SDCCAG8: variants seen among roughly 807,000 people sequenced by gnomAD.
SDCCAG8 encodes serologically defined colon cancer antigen 8.
SDCCAG8 carries 74 observed loss-of-function variants against 101.8 expected under a neutral mutation model. The observed-to-expected ratio is 0.73, with a 90% CI of 0.60 to 0.88. SDCCAG8 has a LOEUF of 0.88. Among genes scored for constraint, SDCCAG8 ranks in the 40% least tolerant of loss-of-function variants. The probability of loss-of-function intolerance (pLI) is 0.00; values close to 1 mark genes in which losing one functional copy is unlikely to be tolerated. For missense variants in SDCCAG8, 787 were observed against 822.6 expected, an observed-to-expected ratio of 0.96 and a Z score of 0.53; for synonymous variants, 281 against 292.9, an observed-to-expected ratio of 0.96 and a Z score of 0.41.
rs1393112155 is a variant in SDCCAG8, at chr1:243,286,402, G to C, written c.546+5G>C. 1.4e-5 allele frequency: 22 copies of C among 1,613,768 alleles called. No individual in the cohort carries two copies. Among genetic ancestry groups the C allele is most frequent in the Non-Finnish European group, 1.9e-5 (22 of 1,179,770 alleles). On this transcript the variant is annotated splice_donor_5th_base_variant and intron_variant, in intron 5 of 17. Transcript: ENST00000366541. Reference sequence around the variant, plus strand: ...CAAACACTTCTGGATGCATCCGTGAGCATTATTTTAAATCATAAATTTTAT... The same window carrying C: ...CAAACACTTCTGGATGCATCCGTGACCATTATTTTAAATCATAAATTTTAT...
intron 17 of SDCCAG8, among the ~76,000 whole-genome samples, 191 bp from the exon 18 acceptor site, chr1:243,499,565 T>G (rs1479840087): frequency 6.6e-6 from 1 of 152,216 alleles, no homozygotes; most frequent in East Asian, 1.9e-4. Flanking sequence ...TAACCTTATT[T>G]CATATGTGAA....
At chr1:243,376,504 G>T (rs1271380327) in intron 12 of SDCCAG8, among the ~76,000 whole-genome samples, 1 of 152,126 alleles carries the variant, frequency 6.6e-6, no homozygotes, top group Non-Finnish European at 1.5e-5. Context: ...CAGCTAATTT[G>T]TACTTAAAAC....
At chr1:243,323,523 T>A (rs1257237891) in intron 9 of SDCCAG8, among the ~76,000 whole-genome samples, 2 of 152,148 alleles carry the variant, frequency 1.3e-5, no homozygotes, top group African/African-American at 2.4e-5. Flanking sequence ...CTCTCCACTG[T>A]TTTTCCCCCT....
chr1:243,401,354 G>A (rs2079386355), intron 13 of SDCCAG8, among the ~76,000 whole-genome samples: 1 of 152,180 alleles, frequency 6.6e-6, no homozygotes, highest in Non-Finnish European at 1.5e-5. Flanking sequence ...CCAGGCAGTG[G>A]GATAGCTTAC....
rs951295161 is a variant in SDCCAG8 at position 243,316,853 on chromosome 1, T to G, written c.1028T>G (p.Val343Gly). 1 of 1,614,048 alleles carries G rather than the reference T, an allele frequency of 6.2e-7. No homozygotes were observed. Among genetic ancestry groups the G allele is most frequent in the East Asian group, 2.2e-5 (1 of 44,896 alleles). ...EASAYEQVKQ[V>G]LQISEEANFE... Reference sequence around the variant, plus strand: ...AGTGCTTATGAACAGGTGAAACAAGTTTTGCAAATATCTGAGGAAGCCAAT... The same window carrying G: ...AGTGCTTATGAACAGGTGAAACAAGGTTTGCAAATATCTGAGGAAGCCAAT... Residue 343 changes from valine to glycine, a missense_variant, in exon 9 of 18, where the codon GTT (valine) becomes GGT (glycine). Coordinates refer to ENST00000366541, the MANE Select transcript of SDCCAG8 (RefSeq NM_006642.5).
intron 12 of SDCCAG8, among the ~76,000 whole-genome samples, chr1:243,363,602 C>G (rs1558357832): frequency 6.6e-6 from 1 of 152,166 alleles, no homozygotes; most frequent in Non-Finnish European, 1.5e-5. Flanking sequence ...TGAGATTTCT[C>G]CTATTCATTC....
intron 17 of SDCCAG8, among the ~76,000 whole-genome samples, chr1:243,499,103 C>A (rs1251669177): frequency 1.3e-5 from 2 of 152,190 alleles, no homozygotes; most frequent in Non-Finnish European, 2.9e-5. Flanking sequence ...CAGCAGAGGC[C>A]AGGAACAGTA....
chr1:243,292,642 C>A (rs187256839), intron 5 of SDCCAG8, among the ~76,000 whole-genome samples: 1 of 152,268 alleles, frequency 6.6e-6, no homozygotes, highest in East Asian at 1.9e-4. Context: ...ACCTATCTAT[C>A]CCATAGAACT....
At chr1:243,414,161 A>C (rs1399001612) in intron 13 of SDCCAG8, among the ~76,000 whole-genome samples, 2 of 152,202 alleles carry the variant, frequency 1.3e-5, no homozygotes, top group Admixed American at 6.5e-5. Context: ...TCATTGAGGG[A>C]AGAATAGTTA....
intron 5 of SDCCAG8, among the ~76,000 whole-genome samples, chr1:243,292,319 A>G (rs1485154547): frequency 3.3e-5 from 5 of 152,182 alleles, no homozygotes; most frequent in Admixed American, 3.3e-4. Context: ...CAGTCATCTT[A>G]TTAGCATACG....
intron 16 of SDCCAG8, among the ~76,000 whole-genome samples, chr1:243,461,920 T>C (rs1659197645): frequency 1.3e-5 from 2 of 152,160 alleles, no homozygotes; most frequent in Admixed American, 6.5e-5. Flanking sequence ...AAATGGGTCA[T>C]GACCTCTTCG....
intron 13 of SDCCAG8, among the ~76,000 whole-genome samples, chr1:243,407,851 T>C (rs1343776494): frequency 6.6e-6 from 1 of 152,180 alleles, no homozygotes. Context: ...CCATTAAGTC[T>C]TTTGCATACT....
At chr1:243,388,061 C>G (rs1272166793) in intron 13 of SDCCAG8, among the ~76,000 whole-genome samples, 1 of 152,136 alleles carries the variant, frequency 6.6e-6, no homozygotes, top group East Asian at 1.9e-4. Context: ...ACCTCCCAGC[C>G]TATCCATACG....
chr1:243,375,544 A>G (rs1274860877), intron 12 of SDCCAG8, among the ~76,000 whole-genome samples: 4 of 152,100 alleles, frequency 2.6e-5, no homozygotes, highest in Non-Finnish European at 5.9e-5. Flanking sequence ...AACAGTTTCT[A>G]CTTTGAGTTG....
In SDCCAG8 at chr1:243,309,745, T is replaced by A. The variant is rs563680846; in HGVS notation, c.929+1568T>A. Among the ~76,000 whole-genome samples the A allele has an allele frequency of 5.3e-5, 8 of 152,332 alleles. No homozygotes were observed. In the South Asian group the frequency reaches 1.7e-3, roughly 32 times the overall value. On this transcript the variant is annotated intron_variant, in intron 8 of 17. Coordinates refer to ENST00000366541, the MANE Select transcript of SDCCAG8 (RefSeq NM_006642.5). ...CTTGAACTCCTGTGATCCTCCCACC[T>A]CAGCTTCCCAAAGTATTGGGATTAT...
chr1:243,429,860 C>G (rs2081601313), intron 16 of SDCCAG8, among the ~76,000 whole-genome samples: 1 of 152,014 alleles, frequency 6.6e-6, no homozygotes, highest in South Asian at 2.1e-4. Context: ...TGCCACCACG[C>G]CCAACTAGTT....
chr1:243,342,326 G>C (rs1016991032), intron 11 of SDCCAG8, among the ~76,000 whole-genome samples: 3 of 152,196 alleles, frequency 2.0e-5, no homozygotes, highest in Admixed American at 6.5e-5. Context: ...CATCAGAAGA[G>C]CGATTAGACT....
chr1:243,349,888 C>T (rs2075986380), intron 12 of SDCCAG8, among the ~76,000 whole-genome samples: 1 of 150,510 alleles, frequency 6.6e-6, no homozygotes, highest in African/African-American at 2.5e-5. Flanking sequence ...GTGGCTACTA[C>T]TGAGTAGAAA....
At chr1:243,267,076 G>A (rs1271049502) in intron 1 of SDCCAG8, among the ~76,000 whole-genome samples, 2 of 151,830 alleles carry the variant, frequency 1.3e-5, no homozygotes, top group Non-Finnish European at 2.9e-5. Context: ...AACCCTGTCT[G>A]TACTAAAAGT....
Sources: gnomAD v4.1 joint callset for allele counts (sites outside exome capture counted in the v4.1 genomes callset) on GRCh38, gnomAD v4.1.1 for gene constraint, MANE v1.5 for transcripts, NCBI Gene and HGNC (gene_info 2026-07-23, HGNC 2026-07-21) for gene names.